The following ST18 variants were observed in gnomAD, a reference collection of about 807,000 sequenced individuals.
ST18 encodes the protein ST18 C2H2C-type zinc finger transcription factor, also known as suppression of tumorigenicity 18 protein.
In ST18, 50 loss-of-function variants were observed where a neutral mutation model predicts 110.0. The ratio of observed to expected loss-of-function variants is 0.45; its 90% CI spans 0.36 to 0.58. ST18 has a LOEUF of 0.58. Among genes scored for constraint, ST18 ranks in the 20% least tolerant of loss-of-function variants. The pLI, the probability that ST18 is intolerant of heterozygous loss-of-function variation, is 0.00. For synonymous variants in ST18, 461 were observed against 452.4 expected (o/e 1.02, Z -0.24); for missense variants, 1,306 against 1,280.1 (o/e 1.02, Z -0.31).
At chr8:52,214,465 G>T (rs916573548) in intron 6 of ST18, among the ~76,000 whole-genome samples, 1 of 152,134 alleles carries the variant, frequency 6.6e-6, no homozygotes, top group East Asian at 1.9e-4. Flanking sequence ...AAACCAGAGA[G>T]AACAGCGACA....
intron 2 of ST18, among the ~76,000 whole-genome samples, chr8:52,397,806 T>A (rs1173056334): frequency 6.6e-6 from 1 of 152,216 alleles, no homozygotes; most frequent in Non-Finnish European, 1.5e-5. Context: ...CACTGGTCTA[T>A]AGTTCTGTTT....
chr8:52,258,157 C>T (rs1409332512), intron 2 of ST18, among the ~76,000 whole-genome samples: 1 of 152,148 alleles, frequency 6.6e-6, no homozygotes, highest in African/African-American at 2.4e-5. Context: ...TATGCCAGTA[C>T]CACACTGTCT....
intron 2 of ST18, among the ~76,000 whole-genome samples, chr8:52,242,366 G>A (rs763695435): frequency 6.6e-6 from 1 of 152,322 alleles, no homozygotes; most frequent in East Asian, 1.9e-4. Flanking sequence ...CCCTCTGGGG[G>A]CTATGGTGCC....
At chr8:52,214,291 C>CT in intron 6 of ST18, 34 bp from the exon 7 acceptor site, 1 of 1,610,422 alleles carries the variant, frequency 6.2e-7, no homozygotes, top group Non-Finnish European at 8.5e-7. Context: ...GAGGTCATTC[C>CT]TTTGACATTG....
At chr8:52,136,743 G>A (rs991176508) in intron 18 of ST18, 85 bp from the exon 19 acceptor site, 10 of 1,161,612 alleles carry the variant, frequency 8.6e-6, no homozygotes, top group South Asian at 4.4e-5. Context: ...GTGAACATAC[G>A]TTAAATTATT....
chr8:52,167,802 C>T (rs2063515013), intron 10 of ST18, among the ~76,000 whole-genome samples: 1 of 152,152 alleles, frequency 6.6e-6, no homozygotes, highest in African/African-American at 2.4e-5. Context: ...GTGGGGCCCA[C>T]GGGAGCAGCC....
At chr8:52,277,502 T>C (rs1378679542) in intron 2 of ST18, among the ~76,000 whole-genome samples, 1 of 152,232 alleles carries the variant, frequency 6.6e-6, no homozygotes, top group Admixed American at 6.5e-5. Context: ...TATCATGGTG[T>C]TCTTAGATCG....
intron 2 of ST18, among the ~76,000 whole-genome samples, chr8:52,401,931 G>A (rs1842910239): frequency 6.6e-6 from 1 of 152,100 alleles, no homozygotes; most frequent in Non-Finnish European, 1.5e-5. Context: ...ATTTTATAGA[G>A]GGCTTTCATA....
At chr8:52,119,450 A>G (rs898724206) in intron 23 of ST18, among the ~76,000 whole-genome samples, 5 of 152,178 alleles carry the variant, frequency 3.3e-5, no homozygotes, top group African/African-American at 1.2e-4. Context: ...GAGCAATTTC[A>G]TGAGAGAAGG....
intron 13 of ST18, among the ~76,000 whole-genome samples, chr8:52,161,861 T>C (rs2061541647): frequency 6.6e-6 from 1 of 152,226 alleles, no homozygotes; most frequent in Non-Finnish European, 1.5e-5. Context: ...TATGAAGATA[T>C]CATGAGCAGA....
At chr8:52,355,860 C>T (rs1264439319) in intron 2 of ST18, among the ~76,000 whole-genome samples, 2 of 152,300 alleles carry the variant, frequency 1.3e-5, no homozygotes, top group African/African-American at 4.8e-5. Context: ...ACAAATGGAA[C>T]AGGGCTTGCC....
intron 2 of ST18, among the ~76,000 whole-genome samples, chr8:52,386,693 C>T (rs868667933): frequency 2.0e-5 from 3 of 152,140 alleles, no homozygotes; most frequent in Middle Eastern, 3.4e-3. Flanking sequence ...GAGAGTTCTC[C>T]TTATAAGCCT....
chr8:52,277,011 C>T (rs947589534), intron 2 of ST18, among the ~76,000 whole-genome samples: 1 of 152,150 alleles, frequency 6.6e-6, no homozygotes, highest in South Asian at 2.1e-4. Flanking sequence ...AGGTGATTCA[C>T]CCACCTTGGC....
At chr8:52,267,707 A>G (rs746238226) in intron 2 of ST18, among the ~76,000 whole-genome samples, 1 of 150,466 alleles carries the variant, frequency 6.6e-6, no homozygotes, top group Non-Finnish European at 1.5e-5. Context: ...CCTTTGCTAC[A>G]GAAAAAATGT....
At chr8:52,259,657 A>G (rs1167118168) in intron 2 of ST18, among the ~76,000 whole-genome samples, 1 of 152,194 alleles carries the variant, frequency 6.6e-6, no homozygotes, top group Admixed American at 6.5e-5. Flanking sequence ...ATATTATGCC[A>G]TGCGCTGTTC....
At chr8:52,296,955 C>G (rs771638527) in intron 2 of ST18, among the ~76,000 whole-genome samples, 3 of 151,922 alleles carry the variant, frequency 2.0e-5, no homozygotes, top group Non-Finnish European at 4.4e-5. Context: ...ATTAAAAAAC[C>G]ATATTAGGCC....
chr8:52,388,235 G>A (rs1454876244), intron 2 of ST18, among the ~76,000 whole-genome samples: 1 of 152,026 alleles, frequency 6.6e-6, no homozygotes, highest in African/African-American at 2.4e-5. Context: ...ATGTGCACCC[G>A]GCTGAGCAGG....
intron 2 of ST18, among the ~76,000 whole-genome samples, chr8:52,277,063 G>A (rs1328746988): frequency 6.6e-6 from 1 of 152,184 alleles, no homozygotes; most frequent in African/African-American, 2.4e-5. Context: ...CACAGTGCCT[G>A]GTCAAAGGCT....
intron 2 of ST18, among the ~76,000 whole-genome samples, chr8:52,307,437 C>A (rs2095832781): frequency 6.6e-6 from 1 of 152,134 alleles, no homozygotes; most frequent in Non-Finnish European, 1.5e-5. Flanking sequence ...TCTTTAGTTA[C>A]TAGGGAACTC....
Sources: allele counts gnomAD v4.1 joint callset (sites outside exome capture counted in the v4.1 genomes callset), GRCh38; gene constraint gnomAD v4.1.1; transcripts MANE v1.5; gene names NCBI Gene and HGNC (gene_info 2026-07-23, HGNC 2026-07-21).